Variants in LPAR5 observed in about 807,000 individuals in gnomAD.
The protein encoded by LPAR5 is lysophosphatidic acid receptor 5.
For synonymous variants in LPAR5, 271 were observed against 261.6 expected, an observed-to-expected ratio of 1.04 and a Z score of -0.35; for missense variants, 544 against 521.8, an observed-to-expected ratio of 1.04 and a Z score of -0.41.
At chr12:6,630,246 C>T (rs1306258433) in intron 1 of LPAR5, among the ~76,000 whole-genome samples, 1 of 151,248 alleles carries the variant, frequency 6.6e-6, no homozygotes, top group African/African-American at 2.4e-5. Flanking sequence ...GCCTCAGCCA[C>T]CCAAGTAGCT....
At chr12:6,622,612 G>T (rs1476722671) in intron 1 of LPAR5, among the ~76,000 whole-genome samples, 3 of 147,018 alleles carry the variant, frequency 2.0e-5, no homozygotes, top group Admixed American at 2.0e-4. Flanking sequence ...TTAGCCGGGC[G>T]TGGTGGCAGG....
At chr12:6,632,553 C>T (rs1212825276) in intron 1 of LPAR5, among the ~76,000 whole-genome samples, 1 of 152,178 alleles carries the variant, frequency 6.6e-6, no homozygotes, top group Non-Finnish European at 1.5e-5. Context: ...ACCCTTTCCC[C>T]ACAGACAGGC....
chr12:6,628,243 T>G (rs555634097), intron 1 of LPAR5, among the ~76,000 whole-genome samples: 2 of 152,184 alleles, frequency 1.3e-5, no homozygotes, highest in Admixed American at 6.6e-5. Flanking sequence ...GGATGGTCTC[T>G]ATCTCCTGAC....
chr12:6,632,194 A>G (rs1948984432), intron 1 of LPAR5, among the ~76,000 whole-genome samples: 2 of 151,918 alleles, frequency 1.3e-5, no homozygotes, highest in African/African-American at 4.8e-5. Flanking sequence ...ACTGGTCTTG[A>G]ACTCCTGACC....
At chr12:6,635,518 T>G (rs1949003851) in intron 1 of LPAR5, among the ~76,000 whole-genome samples, 1 of 151,932 alleles carries the variant, frequency 6.6e-6, no homozygotes, top group Non-Finnish European at 1.5e-5. Context: ...GGATGTGTGG[T>G]GTAGGGGTTG....
At chr12:6,629,217 A>G (rs1183677679) in intron 1 of LPAR5, among the ~76,000 whole-genome samples, 2 of 150,570 alleles carry the variant, frequency 1.3e-5, no homozygotes, top group African/African-American at 4.9e-5. Flanking sequence ...CTCTACTGAA[A>G]ATACAAAAAT....
At chr12:6,622,353 G>A (rs1329368473) in intron 1 of LPAR5, among the ~76,000 whole-genome samples, 1 of 149,680 alleles carries the variant, frequency 6.7e-6, no homozygotes, top group East Asian at 2.0e-4. Context: ...GCTTGAACCT[G>A]GGGGGTGGAG....
Position 6,620,583 on chromosome 12 carries a change from G to T in LPAR5, c.666C>A (p.Asp222Glu), listed in dbSNP as rs1449617619. Residue 222 changes from aspartate to glutamate, a missense_variant, in exon 2 of 2, where the codon GAC becomes GAA. Physicochemically the swap from Asp to Glu is conservative, Grantham distance 45 (BLOSUM62 2). Transcript: ENST00000329858. The surrounding 1 kb of genome is among the most constrained non-coding windows in gnomAD (Gnocchi z 6.8). ...GRVFWTLARP[D>E]ATQSQRRRKT... ...TCCGCCGCCGCTGGCTCTGCGTGGCGTCGGGGCGCGCCAGCGTCCAGAAGA... is the reference window on the plus strand; with the variant it reads ...TCCGCCGCCGCTGGCTCTGCGTGGCTTCGGGGCGCGCCAGCGTCCAGAAGA... 1.3e-6 allele frequency: 2 copies of T among 1,551,590 alleles called. No homozygotes were observed. The highest frequency in any genetic ancestry group is 1.7e-6 in the Non-Finnish European group (2 of 1,147,884).
At chr12:6,624,119 GAAT>G (rs933300120) in intron 1 of LPAR5, among the ~76,000 whole-genome samples, 4 of 152,182 alleles carry the variant, frequency 2.6e-5, no homozygotes, top group African/African-American at 9.7e-5. Context: ...TGTAAAATGG[GAAT>G]AATAATATAA....
At chr12:6,633,290 T>C (rs1180606430) in intron 1 of LPAR5, among the ~76,000 whole-genome samples, 1 of 152,198 alleles carries the variant, frequency 6.6e-6, no homozygotes, top group Non-Finnish European at 1.5e-5. Flanking sequence ...GCTTGTAGCC[T>C]GGCAGGTCCT....
intron 1 of LPAR5, among the ~76,000 whole-genome samples, chr12:6,624,304 C>T (rs148930715): frequency 2.9e-4 from 44 of 152,156 alleles, no homozygotes; most frequent in South Asian, 1.9e-3. Flanking sequence ...AGTGAGAGTC[C>T]GTCTCAAAAA....
intron 1 of LPAR5, 76 bp from the exon 2 acceptor site, chr12:6,621,540 C>T: frequency 3.3e-6 from 1 of 303,094 alleles, no homozygotes; most frequent in Non-Finnish European, 6.3e-6. Context: ...ACTGGCAGGC[C>T]TTCTGAATCT....
At chr12:6,622,876 G>A (rs1313677320) in intron 1 of LPAR5, among the ~76,000 whole-genome samples, 1 of 152,188 alleles carries the variant, frequency 6.6e-6, no homozygotes, top group East Asian at 1.9e-4. Context: ...AGGCTGCAGT[G>A]CAGTGAGCCT....
At position 6,620,090 on chromosome 12, in the gene LPAR5, C is replaced by T. The variant is rs1948874977; in HGVS notation, c.*40G>A. Reference sequence around the variant, plus strand: ...CCTGTAAGCCTCCCAGAACGAGAGGCGTTGGGAGTCGGGCACGGACAGCGC... The same window carrying T: ...CCTGTAAGCCTCCCAGAACGAGAGGTGTTGGGAGTCGGGCACGGACAGCGC... On this transcript the variant is annotated 3_prime_UTR_variant, in exon 2 of 2. Transcript: ENST00000329858. This position sits in a 1 kb window ranked among gnomAD's most constrained non-coding sequence, Gnocchi z 6.8. 4 of 1,611,622 alleles carry T rather than the reference C, an allele frequency of 2.5e-6. No individual in the cohort carries two copies. The highest frequency in any genetic ancestry group is 1.6e-4 in the Middle Eastern group (1 of 6,080).
chr12:6,621,627 A>T (rs1948896723), intron 1 of LPAR5, among the ~76,000 whole-genome samples, 163 bp from the exon 2 acceptor site: 1 of 152,354 alleles, frequency 6.6e-6, no homozygotes. Context: ...TTAAACACCC[A>T]GGTTTGAAGG....
At chr12:6,624,906 C>T (rs534165953) in intron 1 of LPAR5, among the ~76,000 whole-genome samples, 7 of 152,314 alleles carry the variant, frequency 4.6e-5, no homozygotes, top group African/African-American at 1.7e-4. Context: ...AGATGTGAGC[C>T]ACCGCACCTG....
At chr12:6,633,613 G>T (rs1024800649) in intron 1 of LPAR5, among the ~76,000 whole-genome samples, 7 of 152,068 alleles carry the variant, frequency 4.6e-5, no homozygotes, top group Non-Finnish European at 1.0e-4. Flanking sequence ...GGTTTTCACT[G>T]TGTTGGCCAG....
Position 6,619,678 on chromosome 12 carries a change from C to T in LPAR5, c.*452G>A. 1 of 335,896 alleles carries T rather than the reference C, an allele frequency of 3.0e-6. No homozygotes were observed. Among genetic ancestry groups the T allele is most frequent in the East Asian group, 7.6e-5 (1 of 13,092 alleles). 20.8% of individuals were successfully genotyped at this position (335,896 alleles called of 1,614,324 possible). On this transcript the variant is annotated 3_prime_UTR_variant, in exon 2 of 2. Transcript: ENST00000329858. ...AGGCCGAAATGAAAGGGGGTGGCAT[C>T]CATGAGCCTAGACAGAAGTCAGCAG...
chr12:6,621,567 C>G (rs989866092), intron 1 of LPAR5, 103 bp from the exon 2 acceptor site: 3 of 266,032 alleles, frequency 1.1e-5, no homozygotes, highest in Non-Finnish European at 2.2e-5. Context: ...AGCCTCAAGT[C>G]TGCCATTGGG....
Sources: gnomAD v4.1 joint callset for allele counts (sites outside exome capture counted in the v4.1 genomes callset) on GRCh38, gnomAD v4.1.1 for gene constraint, Gnocchi (gnomAD v3.1) non-coding constraint, MANE v1.5 for transcripts, NCBI Gene and HGNC (gene_info 2026-07-23, HGNC 2026-07-21) for gene names.